CPXM2: variants seen among roughly 807,000 people sequenced by gnomAD.
CPXM2 encodes inactive carboxypeptidase-like protein X2.
In CPXM2, 66 loss-of-function variants were observed where a neutral mutation model predicts 86.1. That is an observed-to-expected ratio of 0.77 (90% CI 0.63 to 0.94). The LOEUF (loss-of-function observed/expected upper bound fraction) is 0.94, where lower values mean the gene tolerates loss of function less well. Ranked by LOEUF, CPXM2 falls within the 40% of genes least tolerant of loss-of-function variation. The pLI is 0.00. For missense variants in CPXM2, 948 were observed against 1,026.3 expected (o/e 0.92, Z 1.04); for synonymous variants, 388 against 400.2 (o/e 0.97, Z 0.36).
chr10:123,776,492 G>A (rs75811409), intron 7 of CPXM2, among the ~76,000 whole-genome samples: 2,700 of 152,270 alleles, frequency 0.018, 38 homozygotes, highest in Non-Finnish European at 0.028. Context: ...ATGGTAAAAT[G>A]TTATGCGCAG....
chr10:123,861,698 C>T (rs1848852290), intron 3 of CPXM2, among the ~76,000 whole-genome samples: 1 of 152,140 alleles, frequency 6.6e-6, no homozygotes, highest in African/African-American at 2.4e-5. Context: ...GAGCCACTAG[C>T]AAGGAATGGG....
intron 13 of CPXM2, chr10:123,751,211 T>G: frequency 4.2e-6 from 1 of 239,098 alleles, no homozygotes; most frequent in Non-Finnish European, 6.8e-6. Flanking sequence ...AAGCCAGAGA[T>G]GTTTGTATTT....
intron 2 of CPXM2, among the ~76,000 whole-genome samples, chr10:123,919,895 G>A (rs372037980): frequency 2.0e-5 from 3 of 152,176 alleles, no homozygotes; most frequent in South Asian, 4.1e-4. Context: ...TCAGGAAGTG[G>A]AGGAAGCATG....
intron 2 of CPXM2, among the ~76,000 whole-genome samples, chr10:123,918,179 T>C (rs190300011): frequency 8.1e-4 from 124 of 152,302 alleles, no homozygotes; most frequent in Admixed American, 1.2e-3. Context: ...TAATTATTAA[T>C]ATGGAAACAA....
At chr10:123,749,590 A>G (rs1345817886) in intron 13 of CPXM2, among the ~76,000 whole-genome samples, 3 of 152,116 alleles carry the variant, frequency 2.0e-5, no homozygotes, top group Non-Finnish European at 4.4e-5. Context: ...CTGGGGTCCC[A>G]GTTCCTGCCC....
chr10:123,828,129 C>T (rs1564787767), intron 4 of CPXM2, among the ~76,000 whole-genome samples: 6 of 151,622 alleles, frequency 4.0e-5, no homozygotes, highest in African/African-American at 1.5e-4. Context: ...CATGATTGTG[C>T]CACTGCACTA....
intron 2 of CPXM2, among the ~76,000 whole-genome samples, chr10:123,864,311 G>C (rs1318354385): frequency 6.6e-6 from 1 of 151,352 alleles, no homozygotes; most frequent in Non-Finnish European, 1.5e-5. Flanking sequence ...AGCAGGTTCT[G>C]TCAGGCGATT....
At chr10:123,761,430 T>A (rs562642727) in intron 11 of CPXM2, among the ~76,000 whole-genome samples, 1 of 152,142 alleles carries the variant, frequency 6.6e-6, no homozygotes, top group Non-Finnish European at 1.5e-5. Context: ...ACAGCTAAGA[T>A]AAGAAAAACC....
chr10:123,939,462 GTC>G (rs1255536364), intron 2 of CPXM2: 1 of 152,184 alleles, frequency 6.6e-6, no homozygotes, highest in Non-Finnish European at 1.5e-5. Flanking sequence ...TTCCCATCCT[GTC>G]TCTGTTACTG....
At chr10:123,926,385 C>A (rs916169794) in intron 2 of CPXM2, among the ~76,000 whole-genome samples, 3 of 152,210 alleles carry the variant, frequency 2.0e-5, no homozygotes, top group Non-Finnish European at 4.4e-5. Context: ...CCTGGGCATA[C>A]CTCTACCATG....
chr10:123,824,059 T>C (rs1847990771), intron 4 of CPXM2, among the ~76,000 whole-genome samples: 1 of 152,234 alleles, frequency 6.6e-6, no homozygotes, highest in Non-Finnish European at 1.5e-5. Flanking sequence ...CATGCAAGGA[T>C]TGTGGCCAAT....
Position 123,754,867 on chromosome 10 carries a change from G to A in CPXM2, c.1918-105C>T. On this transcript the variant is annotated intron_variant, in intron 12 of 13. Coordinates refer to ENST00000241305, the MANE Select transcript of CPXM2 (RefSeq NM_198148.3). This position sits in a 1 kb window ranked among gnomAD's most constrained non-coding sequence, Gnocchi z 4.0. ...CCCACCATTGGCCGGTTCCCACCAAGAACTCACACAGCACCACGTCTTGCT... is the reference window on the plus strand; with the variant it reads ...CCCACCATTGGCCGGTTCCCACCAAAAACTCACACAGCACCACGTCTTGCT... 1.4e-6 allele frequency: 1 copy of A among 717,026 alleles called. No homozygotes were observed. Among genetic ancestry groups the A allele is most frequent in the South Asian group, 1.6e-5 (1 of 64,024 alleles). The allele number at this position is 717,026 out of a possible 1,614,324, so 44.4% of individuals were successfully genotyped here.
chr10:123,768,724 T>C lies in CPXM2; in HGVS notation c.1103-2A>G. 1 of 1,606,878 alleles carries C rather than the reference T, an allele frequency of 6.2e-7. No individual in the cohort carries two copies. Among genetic ancestry groups the C allele is most frequent in the Non-Finnish European group, 8.5e-7 (1 of 1,179,560 alleles). On this transcript the variant is annotated splice_acceptor_variant, in intron 8 of 13. Coordinates refer to ENST00000241305, the MANE Select transcript of CPXM2 (RefSeq NM_198148.3). LOFTEE classifies it high-confidence loss of function. ...CGATGTAGTGGAACTCGGGCTCACCTTTACTCAAAGACAGAGAGAAGCACA... is the reference window on the plus strand; with the variant it reads ...CGATGTAGTGGAACTCGGGCTCACCCTTACTCAAAGACAGAGAGAAGCACA...
At chr10:123,902,444 G>C (rs1395925438) in intron 2 of CPXM2, among the ~76,000 whole-genome samples, 1 of 152,188 alleles carries the variant, frequency 6.6e-6, no homozygotes, top group Non-Finnish European at 1.5e-5. Flanking sequence ...GTAAATCTTG[G>C]CATATAGTGT....
In CPXM2 at chr10:123,768,689, T is replaced by G. The variant is rs1846553873; in HGVS notation, c.1136A>C (p.His379Pro). Reference sequence around the variant, plus strand: ...CTCCCGGCCCAGCACCTCATTGCCGTGGGCCCCCGCGATGTAGTGGAACTC... The same window carrying G: ...CTCCCGGCCCAGCACCTCATTGCCGGGGGCCCCCGCGATGTAGTGGAACTC... ...EPEFHYIAGA[H>P]GNEVLGRELL... The change falls in exon 9 of 14, where the codon CAC becomes CCC. Residue 379 changes from histidine (H) to proline (P), a missense_variant. By Grantham distance (77) the His-to-Pro change is moderately conservative. Transcript: ENST00000241305. 4 of 1,611,336 alleles carry G rather than the reference T, an allele frequency of 2.5e-6. No homozygotes were observed. In the East Asian group the frequency reaches 8.9e-5, roughly 36 times the overall value.
intron 2 of CPXM2, among the ~76,000 whole-genome samples, chr10:123,925,990 T>A (rs537668318): frequency 6.6e-6 from 1 of 152,362 alleles, no homozygotes; most frequent in African/African-American, 2.4e-5. Flanking sequence ...CATATCATGC[T>A]TTTAAAGTAT....
At chr10:123,931,406 C>G (rs1025394828) in intron 2 of CPXM2, 2 of 152,186 alleles carry the variant, frequency 1.3e-5, no homozygotes, top group Non-Finnish European at 2.9e-5. Flanking sequence ...GGACTCTGCC[C>G]CATGTGCCCC....
At chr10:123,826,827 G>C (rs1848057358) in intron 4 of CPXM2, among the ~76,000 whole-genome samples, 1 of 151,830 alleles carries the variant, frequency 6.6e-6, no homozygotes, top group Admixed American at 6.6e-5. Context: ...ACAAATAATG[G>C]TATTACATTA....
At chr10:123,864,128 C>T (rs1178952569) in intron 2 of CPXM2, among the ~76,000 whole-genome samples, 1 of 152,144 alleles carries the variant, frequency 6.6e-6, no homozygotes, top group East Asian at 1.9e-4. Context: ...ATCCTCGTCT[C>T]CTGCTCACTC....
Sources: gnomAD v4.1 joint callset for allele counts (sites outside exome capture counted in the v4.1 genomes callset) on GRCh38, gnomAD v4.1.1 for gene constraint, Gnocchi (gnomAD v3.1) non-coding constraint, MANE v1.5 for transcripts, NCBI Gene and HGNC (gene_info 2026-07-23, HGNC 2026-07-21) for gene names.